FBN1: variants seen among roughly 807,000 people sequenced by gnomAD.
FBN1 encodes the protein fibrillin-1.
A neutral mutation model predicts 365.1 loss-of-function variants in FBN1; 29 were observed. The observed-to-expected ratio is 0.08, with a 90% CI of 0.06 to 0.11. The LOEUF is 0.11. Among genes scored for constraint, FBN1 ranks in the 10% least tolerant of loss-of-function variants. FBN1 has a pLI of 1.00. For missense variants in FBN1, 2,476 were observed against 3,703.2 expected (o/e 0.67, Z 8.60); for synonymous variants, 1,210 against 1,270.5 (o/e 0.95, Z 1.01).
In FBN1 at chr15:48,408,762, GA is replaced by G. The variant is rs1388157221; in HGVS notation, c.*2227del. On this transcript the variant is annotated 3_prime_UTR_variant, in exon 66 of 66. Transcript: ENST00000316623. ...ATGCTGTTCAAAATTGTTGGCTCAG[GA>G]ATAAATAAAATCCAGACTTGGACTA... The G allele has an allele frequency of 3.3e-5, 5 of 152,584 alleles. No individual in the cohort carries two copies. The highest frequency in any genetic ancestry group is 1.2e-4 in the African/African-American group (5 of 41,436). 9.5% of individuals were successfully genotyped at this position (152,584 alleles called of 1,614,324 possible).
chr15:48,460,332 C>A lies in FBN1; in HGVS notation c.5225-15G>T. ...AGCAAACTCATCTGCAATGATTAAACAAAGGTGGGATGGGAGGATAGGGGT... is the reference window on the plus strand; with the variant it reads ...AGCAAACTCATCTGCAATGATTAAAAAAAGGTGGGATGGGAGGATAGGGGT... On this transcript the variant is annotated splice_polypyrimidine_tract_variant and intron_variant, in intron 42 of 65. Transcript: ENST00000316623. The A allele has an allele frequency of 6.3e-7, 1 of 1,585,636 alleles. No individual in the cohort carries two copies. The highest frequency in any genetic ancestry group is 8.7e-7 in the Non-Finnish European group (1 of 1,154,440).
At chr15:48,559,497 T>G (rs2044207623) in intron 6 of FBN1, among the ~76,000 whole-genome samples, 1 of 152,128 alleles carries the variant, frequency 6.6e-6, no homozygotes, top group Non-Finnish European at 1.5e-5. Context: ...GGCAGACCTC[T>G]GTGAGGAGCC....
intron 23 of FBN1, among the ~76,000 whole-genome samples, chr15:48,493,317 A>G (rs1465212295): frequency 6.6e-6 from 1 of 150,530 alleles, no homozygotes; most frequent in Non-Finnish European, 1.5e-5. Flanking sequence ...GCCAATGCCA[A>G]AAAAAAAAGA....
intron 6 of FBN1, among the ~76,000 whole-genome samples, chr15:48,539,203 T>G (rs544213352): frequency 2.6e-5 from 4 of 152,330 alleles, no homozygotes; most frequent in East Asian, 3.9e-4. Context: ...CTACGTGCTC[T>G]TCCTCCCTCT....
chr15:48,418,570 A>G (rs1418373677), intron 63 of FBN1, among the ~76,000 whole-genome samples: 1 of 152,144 alleles, frequency 6.6e-6, no homozygotes, highest in Non-Finnish European at 1.5e-5. Context: ...TTTGGTTAAC[A>G]TGTTTTGCAC....
intron 63 of FBN1, among the ~76,000 whole-genome samples, 172 bp from the exon 64 acceptor site, chr15:48,415,939 T>C (rs562912309): frequency 6.6e-6 from 1 of 152,236 alleles, no homozygotes; most frequent in South Asian, 2.1e-4. Context: ...GATGCGGGCA[T>C]GGATGTGGCT....
chr15:48,519,364 C>T (rs1439526835), intron 10 of FBN1, among the ~76,000 whole-genome samples: 1 of 152,150 alleles, frequency 6.6e-6, no homozygotes, highest in Non-Finnish European at 1.5e-5. Flanking sequence ...TATTTGAATG[C>T]CTCCTATAAG....
intron 36 of FBN1, among the ~76,000 whole-genome samples, chr15:48,469,845 G>A (rs923542745): frequency 5.3e-5 from 8 of 152,160 alleles, no homozygotes; most frequent in African/African-American, 1.9e-4. Flanking sequence ...ACCAAGGGAA[G>A]AATGTGTGGC....
At chr15:48,564,047 C>A (rs1270439357) in intron 6 of FBN1, among the ~76,000 whole-genome samples, 1 of 152,154 alleles carries the variant, frequency 6.6e-6, no homozygotes, top group East Asian at 1.9e-4. Flanking sequence ...TCTTTCCAAG[C>A]ATCTGGATCC....
At chr15:48,572,474 A>C (rs1411009714) in intron 6 of FBN1, among the ~76,000 whole-genome samples, 2 of 152,068 alleles carry the variant, frequency 1.3e-5, no homozygotes, top group Non-Finnish European at 1.5e-5. Flanking sequence ...TCCAGACCAG[A>C]AACAGTAAAA....
chr15:48,508,865 G>T (rs560482196), intron 14 of FBN1, among the ~76,000 whole-genome samples, 161 bp from the exon 15 acceptor site: 2 of 152,308 alleles, frequency 1.3e-5, no homozygotes, highest in African/African-American at 4.8e-5. Context: ...GGAAGGAGAA[G>T]ATGGGACATA....
In FBN1 at chr15:48,411,381, TG is replaced by T. The variant is rs1253572400; in HGVS notation, c.8227-3del. ...ATTGGCTTCTGTCTCAGACTGATCC[TG>T]GAAAGACACATGGCAATATGTTAAA... On this transcript the variant is annotated splice_polypyrimidine_tract_variant and splice_region_variant and intron_variant, in intron 65 of 65. Transcript: ENST00000316623. 6.2e-7 allele frequency: 1 copy of T among 1,613,696 alleles called. No individual in the cohort carries two copies. The highest frequency in any genetic ancestry group is 8.5e-7 in the Non-Finnish European group (1 of 1,179,850).
intron 8 of FBN1, among the ~76,000 whole-genome samples, chr15:48,533,228 G>A (rs1034274249): frequency 6.6e-6 from 1 of 152,208 alleles, no homozygotes; most frequent in Non-Finnish European, 1.5e-5. Flanking sequence ...TCAAGGTGGG[G>A]TGAGTTGAGG....
chr15:48,467,653 C>T lies in FBN1; in HGVS notation c.4747+285G>A, dbSNP rs1177727183. 2.6e-5 allele frequency among the ~76,000 whole-genome samples: 4 copies of T among 152,270 alleles called. No homozygotes were observed. The East Asian group carries it at 7.7e-4, about 29-fold the overall frequency. ...AGAGATAATCAATGTGTCCCTGGAACGTAAGCAACATGGTGAAAGTACCCT... is the reference window on the plus strand; with the variant it reads ...AGAGATAATCAATGTGTCCCTGGAATGTAAGCAACATGGTGAAAGTACCCT... On this transcript the variant is annotated intron_variant, in intron 38 of 65. Transcript: ENST00000316623.
intron 5 of FBN1, 79 bp downstream of exon 5, chr15:48,600,060 C>A: frequency 9.6e-7 from 1 of 1,038,516 alleles, no homozygotes; most frequent in Admixed American, 1.7e-5. Context: ...CGAAGAAAAT[C>A]CATCAGCACT....
Position 48,410,924 on chromosome 15 carries a change from G to T in FBN1, c.*66C>A. ...CCTATGATATGATGATTCTGATTGGGGGAAAATATAGTTCTACCTATCTAT... is the reference window on the plus strand; with the variant it reads ...CCTATGATATGATGATTCTGATTGGTGGAAAATATAGTTCTACCTATCTAT... On this transcript the variant is annotated 3_prime_UTR_variant, in exon 66 of 66. Coordinates refer to ENST00000316623, the MANE Select transcript of FBN1 (RefSeq NM_000138.5). The T allele has an allele frequency of 1.4e-6, 2 of 1,401,314 alleles. No individual in the cohort carries two copies. The highest frequency in any genetic ancestry group is 2.3e-5 in the East Asian group (1 of 42,790). The allele number at this position is 1,401,314 out of a possible 1,614,324, so 86.8% of individuals were successfully genotyped here.
At chr15:48,424,331 A>C (rs1204853730) in intron 60 of FBN1, among the ~76,000 whole-genome samples, 2 of 152,134 alleles carry the variant, frequency 1.3e-5, no homozygotes, top group Non-Finnish European at 2.9e-5. Flanking sequence ...TCTCCCTTTC[A>C]GCAGACACAG....
chr15:48,436,748 G>C (rs1457494398), intron 53 of FBN1, among the ~76,000 whole-genome samples: 3 of 152,176 alleles, frequency 2.0e-5, no homozygotes, highest in Admixed American at 1.3e-4. Flanking sequence ...GAAGGAACTT[G>C]TCTTTGTGGT....
chr15:48,633,797 T>C (rs1291429813), intron 2 of FBN1, among the ~76,000 whole-genome samples: 1 of 152,156 alleles, frequency 6.6e-6, no homozygotes, highest in African/African-American at 2.4e-5. Flanking sequence ...AGTCCACCTC[T>C]TGAGGGTGTG....
Sources: allele counts gnomAD v4.1 joint callset (sites outside exome capture counted in the v4.1 genomes callset), GRCh38; gene constraint gnomAD v4.1.1; transcripts MANE v1.5; gene names NCBI Gene and HGNC (gene_info 2026-07-23, HGNC 2026-07-21).